The following SGCD variants were observed in gnomAD, a reference collection of about 807,000 sequenced individuals.
SGCD encodes the protein delta-sarcoglycan.
A neutral mutation model predicts 36.6 loss-of-function variants in SGCD; 18 were observed. That is an observed-to-expected ratio of 0.49 (90% confidence interval 0.34 to 0.73). The LOEUF is 0.73. SGCD is among the 30% of genes least tolerant of loss of function. The pLI, the probability that SGCD is intolerant of heterozygous loss-of-function variation, is 0.01. For synonymous variants in SGCD, 133 were observed against 130.6 expected (o/e 1.02, Z -0.12); for missense variants, 387 against 346.7 (o/e 1.12, Z -0.92).
intron 7 of SGCD, among the ~76,000 whole-genome samples, chr5:156,737,587 A>C (rs1756439355): frequency 6.6e-6 from 1 of 152,170 alleles, no homozygotes; most frequent in African/African-American, 2.4e-5. Context: ...TGCTCCCCAC[A>C]GAGAGGGATT....
intron 1 of SGCD, among the ~76,000 whole-genome samples, chr5:155,889,699 T>G (rs1333743415): frequency 3.3e-5 from 5 of 152,246 alleles, no homozygotes; most frequent in African/African-American, 7.2e-5. Context: ...GGACCTGCTC[T>G]CTTATTCACA....
intron 3 of SGCD, among the ~76,000 whole-genome samples, chr5:156,355,864 TG>T (rs1411731085): frequency 1.3e-5 from 2 of 152,232 alleles, no homozygotes; most frequent in African/African-American, 4.8e-5. Context: ...CTTGAATTCC[TG>T]AACTCAAGTG....
chr5:156,000,799 C>CATATATATATATATATATATATATATAT (rs145379741), intron 1 of SGCD, among the ~76,000 whole-genome samples: 8 of 145,286 alleles, frequency 5.5e-5, no homozygotes, highest in African/African-American at 2.2e-4. Context: ...TTTCCTCACA[C>CATATATATATATATATATATATATATAT]ATATATATAT....
intron 4 of SGCD, among the ~76,000 whole-genome samples, chr5:156,526,313 T>G (rs529647425): frequency 6.6e-6 from 1 of 152,158 alleles, no homozygotes; most frequent in Admixed American, 6.5e-5. Flanking sequence ...ACAGTCTGAA[T>G]AGGTTCCATT....
chr5:156,233,788 G>A (rs544958950), intron 3 of SGCD, among the ~76,000 whole-genome samples: 2 of 152,230 alleles, frequency 1.3e-5, no homozygotes, highest in Non-Finnish European at 2.9e-5. Flanking sequence ...GGGAAGCTGG[G>A]GTATGAGGAT....
At chr5:156,614,559 GTC>G (rs1561816115) in intron 6 of SGCD, among the ~76,000 whole-genome samples, 1 of 152,104 alleles carries the variant, frequency 6.6e-6, no homozygotes, top group Admixed American at 6.5e-5. Flanking sequence ...CCTTTACTAA[GTC>G]TTCTTTCACC....
Position 156,579,162 on chromosome 5 carries a change from G to A in SGCD, c.295-10069G>A, listed in dbSNP as rs113680191. On this transcript the variant is annotated intron_variant, in intron 4 of 8. Coordinates refer to ENST00000337851, the MANE Select transcript of SGCD (RefSeq NM_000337.6). ...ACATCCTTATTTCTGCCTTCATTTC[G>A]TGATGTACCCAGTAGTCATTCAGGA... Among the ~76,000 whole-genome samples, 416 of 152,166 alleles carry A rather than the reference G, an allele frequency of 2.7e-3. 3 individuals carry two copies. Among genetic ancestry groups the A allele is most frequent in the African/African-American group, 9.1e-3 (379 of 41,496 alleles).
At chr5:156,248,326 C>T (rs1323198610) in intron 3 of SGCD, among the ~76,000 whole-genome samples, 1 of 152,104 alleles carries the variant, frequency 6.6e-6, no homozygotes, top group Non-Finnish European at 1.5e-5. Context: ...TCGAGACCAT[C>T]CTGGCCAACA....
rs1760113878 is a variant in SGCD, at chr5:156,058,415, A to G, written c.-281-59463A>G. On this transcript the variant is annotated intron_variant, in intron 1 of 9. Transcript: ENST00000517913. ...GATCCTTAAACTTTATTTAATGTGC[A>G]TGTGAATCATCTGGGATCTTGTGGA... 1.4e-5 allele frequency among the ~76,000 whole-genome samples: 2 copies of G among 146,342 alleles called. 1 individual carries two copies. Among genetic ancestry groups the G allele is most frequent in the African/African-American group, 4.9e-5 (2 of 40,706 alleles).
At chr5:156,084,651 G>A (rs577692138) in intron 1 of SGCD, among the ~76,000 whole-genome samples, 1 of 152,172 alleles carries the variant, frequency 6.6e-6, no homozygotes, top group Non-Finnish European at 1.5e-5. Flanking sequence ...AATAGAGACA[G>A]TATTATCTCT....
At chr5:156,252,457 T>C (rs1561585217) in intron 3 of SGCD, among the ~76,000 whole-genome samples, 2 of 152,214 alleles carry the variant, frequency 1.3e-5, no homozygotes, top group Non-Finnish European at 2.9e-5. Context: ...CAGAGGCTAT[T>C]GTGGATGTCT....
At chr5:156,197,061 C>A (rs1278016420) in intron 3 of SGCD, among the ~76,000 whole-genome samples, 1 of 152,116 alleles carries the variant, frequency 6.6e-6, no homozygotes, top group Non-Finnish European at 1.5e-5. Flanking sequence ...TAAACAATCT[C>A]CTATTGTCAG....
chr5:155,753,742 T>C, the SGCD span, among the ~76,000 whole-genome samples: 1 of 152,146 alleles, frequency 6.6e-6, no homozygotes, highest in African/African-American at 2.4e-5. Flanking sequence ...GTGAACTCAG[T>C]TCTCAATCGT....
At chr5:156,453,883 G>C in intron 3 of SGCD, among the ~76,000 whole-genome samples, 1 of 152,246 alleles carries the variant, frequency 6.6e-6, no homozygotes, top group Middle Eastern at 3.4e-3. Context: ...AACTTTATTT[G>C]TACAAAATTC....
At chr5:156,188,585 T>C (rs542114114) in intron 3 of SGCD, among the ~76,000 whole-genome samples, 1 of 152,160 alleles carries the variant, frequency 6.6e-6, no homozygotes, top group Admixed American at 6.5e-5. Flanking sequence ...GTGTCTACTG[T>C]TGGGGTTCAA....
At chr5:156,605,460 T>C (rs1761397208) in intron 6 of SGCD, among the ~76,000 whole-genome samples, 1 of 152,266 alleles carries the variant, frequency 6.6e-6, no homozygotes, top group African/African-American at 2.4e-5. Context: ...GTTGGACATT[T>C]GGCTTGGTTC....
chr5:155,938,026 C>G (rs1334677381), intron 1 of SGCD, among the ~76,000 whole-genome samples: 3 of 152,222 alleles, frequency 2.0e-5, no homozygotes, highest in Non-Finnish European at 4.4e-5. Context: ...CTTTGAACCA[C>G]AGTGATGGGA....
At chr5:156,158,760 T>C (rs1763021563) in intron 3 of SGCD, among the ~76,000 whole-genome samples, 1 of 151,608 alleles carries the variant, frequency 6.6e-6, no homozygotes, top group East Asian at 1.9e-4. Flanking sequence ...TAGCAGGCAC[T>C]TAGAATTAGG....
At chr5:155,978,007 T>TA (rs1318241042) in intron 1 of SGCD, among the ~76,000 whole-genome samples, 2 of 152,038 alleles carry the variant, frequency 1.3e-5, no homozygotes, top group African/African-American at 4.8e-5. Context: ...GGCAGGGGTA[T>TA]CGCTTAAACC....
Sources: allele counts gnomAD v4.1 joint callset (sites outside exome capture counted in the v4.1 genomes callset), GRCh38; gene constraint gnomAD v4.1.1; transcripts MANE v1.5; gene names NCBI Gene and HGNC (gene_info 2026-07-23, HGNC 2026-07-21).